Variants in PACRG observed in about 807,000 individuals in gnomAD.
The protein encoded by PACRG is parkin coregulated gene protein.
Under a neutral mutation model 29.7 loss-of-function variants are expected in PACRG, and 29 were observed. That is an observed-to-expected ratio of 0.98 (90% CI 0.73 to 1.33). PACRG has a LOEUF of 1.33. PACRG is among the 40% of genes most tolerant of loss of function. PACRG has a pLI of 0.00. For synonymous variants in PACRG, 116 were observed against 118.7 expected (o/e 0.98, Z 0.15); for missense variants, 279 against 316.2 (o/e 0.88, Z 0.89).
chr6:162,895,448 T>C (rs1256885655), intron 2 of PACRG, among the ~76,000 whole-genome samples: 3 of 152,164 alleles, frequency 2.0e-5, no homozygotes, highest in African/African-American at 7.2e-5. Context: ...TATCAAAATA[T>C]AGGGAATGTT....
chr6:162,765,482 T>A (rs757613179), intron 1 of PACRG, among the ~76,000 whole-genome samples: 1 of 152,186 alleles, frequency 6.6e-6, no homozygotes, highest in Non-Finnish European at 1.5e-5. Context: ...CTACATCTGC[T>A]GATCCACTTG....
intron 2 of PACRG, among the ~76,000 whole-genome samples, chr6:163,038,019 C>T (rs568997755): frequency 6.6e-6 from 1 of 152,320 alleles, no homozygotes. Context: ...AAGTACCAGG[C>T]AGTGTTCTAG....
chr6:163,277,981 C>A (rs1240752176), intron 4 of PACRG, among the ~76,000 whole-genome samples: 1 of 152,126 alleles, frequency 6.6e-6, no homozygotes, highest in Non-Finnish European at 1.5e-5. Context: ...CTTTTCACCA[C>A]ATCCATACCA....
intron 4 of PACRG, among the ~76,000 whole-genome samples, chr6:163,171,642 C>T (rs1779090512): frequency 6.6e-6 from 1 of 152,218 alleles, no homozygotes. Context: ...ACTTTTCCCC[C>T]CAGTTTCTCA....
rs115564014 is a variant in PACRG, at chr6:163,127,965, A to G, written c.613+38557A>G. On this transcript the variant is annotated intron_variant, in intron 4 of 4. Coordinates refer to ENST00000366888, the MANE Select transcript of PACRG (RefSeq NM_001080379.2). The stretch of plus-strand genomic sequence containing the variant: ...TAACATGAACTTTAGAATATGTACT[A>G]TGTATTTTTAAAGGTATTTCTTTGT... Among the ~76,000 whole-genome samples, 171 of 152,324 alleles carry G rather than the reference A, an allele frequency of 1.1e-3. 1 individual carries two copies. The highest frequency in any genetic ancestry group is 4.0e-3 in the African/African-American group (168 of 41,570).
At chr6:162,845,185 C>T (rs1172434218) in intron 2 of PACRG, among the ~76,000 whole-genome samples, 2 of 152,096 alleles carry the variant, frequency 1.3e-5, no homozygotes, top group Non-Finnish European at 2.9e-5. Flanking sequence ...ATTTTGCAGA[C>T]TAGCAATGCA....
chr6:162,745,757 A>C (rs1242200829), intron 1 of PACRG, among the ~76,000 whole-genome samples: 2 of 152,102 alleles, frequency 1.3e-5, no homozygotes, highest in African/African-American at 4.8e-5. Context: ...AGCCTGTGTG[A>C]GGTAATTAGT....
intron 1 of PACRG, among the ~76,000 whole-genome samples, chr6:162,771,449 G>C (rs1447792217): frequency 2.6e-5 from 4 of 152,138 alleles, no homozygotes; most frequent in Admixed American, 2.6e-4. Context: ...CCATGTTGCT[G>C]TGGTTCTGAG....
At chr6:163,249,015 C>CAAAAAAAAAAA (rs57866351) in intron 4 of PACRG, among the ~76,000 whole-genome samples, 1 of 107,490 alleles carries the variant, frequency 9.3e-6, no homozygotes. Flanking sequence ...GACTCTGTCT[C>CAAAAAAAAAAA]AAAAAAAAAA....
intron 3 of PACRG, among the ~76,000 whole-genome samples, chr6:163,079,408 A>T (rs1283980402): frequency 8.0e-6 from 1 of 125,700 alleles, no homozygotes; most frequent in Non-Finnish European, 1.7e-5. Context: ...TCACAGAGTT[A>T]AAAAAAAAAA....
chr6:163,252,590 C>A (rs895343059), intron 4 of PACRG, among the ~76,000 whole-genome samples: 1 of 152,222 alleles, frequency 6.6e-6, no homozygotes, highest in Non-Finnish European at 1.5e-5. Flanking sequence ...CCGTGACTGT[C>A]ATCTTTCCAC....
intron 1 of PACRG, among the ~76,000 whole-genome samples, chr6:162,761,362 T>C (rs1782341805): frequency 2.0e-5 from 3 of 152,310 alleles, no homozygotes; most frequent in Middle Eastern, 3.4e-3. Flanking sequence ...TATTTCTTTT[T>C]TATTTCTTAC....
intron 4 of PACRG, among the ~76,000 whole-genome samples, chr6:163,162,521 T>C (rs974040060): frequency 6.6e-6 from 1 of 152,206 alleles, no homozygotes; most frequent in Non-Finnish European, 1.5e-5. Context: ...TCCTGCTCCA[T>C]CTGATGCCAC....
chr6:163,163,094 G>A (rs548520285), intron 4 of PACRG, among the ~76,000 whole-genome samples: 1 of 152,206 alleles, frequency 6.6e-6, no homozygotes, highest in South Asian at 2.1e-4. Flanking sequence ...GGGAGGGACT[G>A]CAGGAAATCA....
chr6:162,806,072 T>C (rs1012364011), intron 1 of PACRG, among the ~76,000 whole-genome samples: 1 of 152,168 alleles, frequency 6.6e-6, no homozygotes, highest in Non-Finnish European at 1.5e-5. Context: ...AATCACCATC[T>C]ATGGCAGCTA....
At chr6:162,913,091 G>A (rs1481830701) in intron 2 of PACRG, among the ~76,000 whole-genome samples, 2 of 152,110 alleles carry the variant, frequency 1.3e-5, no homozygotes, top group Admixed American at 6.5e-5. Flanking sequence ...TTATTTGTGT[G>A]TTCACATTAT....
chr6:162,727,724 G>A (rs767771305), upstream of PACRG: 21 of 1,533,264 alleles, frequency 1.4e-5, no homozygotes, highest in South Asian at 8.4e-5. Flanking sequence ...GCGCAGCGGC[G>A]CCAGCCGCGC....
chr6:163,079,235 C>CA (rs1185750657), intron 3 of PACRG, among the ~76,000 whole-genome samples: 6 of 151,158 alleles, frequency 4.0e-5, no homozygotes, highest in African/African-American at 1.2e-4. Context: ...TTGGGGTCAT[C>CA]AAAAAAAATT....
chr6:162,881,322 G>T (rs1433054572), intron 2 of PACRG, among the ~76,000 whole-genome samples: 3 of 152,132 alleles, frequency 2.0e-5, no homozygotes, highest in African/African-American at 7.2e-5. Context: ...ATGAGGCCTA[G>T]CTTTCATGTC....
Sources: allele counts gnomAD v4.1 joint callset (sites outside exome capture counted in the v4.1 genomes callset), GRCh38; gene constraint gnomAD v4.1.1; transcripts MANE v1.5; gene names NCBI Gene and HGNC (gene_info 2026-07-23, HGNC 2026-07-21).